The following C5 variants were observed in gnomAD, a reference collection of about 807,000 sequenced individuals.
C5 encodes C3 and PZP-like alpha-2-macroglobulin domain-containing protein 4.
C5 carries 140 observed loss-of-function variants against 218.8 expected under a neutral mutation model. The observed-to-expected ratio is 0.64, with a 90% confidence interval of 0.56 to 0.74. C5 has a LOEUF of 0.74. Among genes scored for constraint, C5 ranks in the 30% least tolerant of loss-of-function variants. C5 has a pLI of 0.00. For missense variants in C5, 1,700 were observed against 1,969.6 expected, an observed-to-expected ratio of 0.86 and a Z score of 2.59; for synonymous variants, 614 against 682.3, an observed-to-expected ratio of 0.90 and a Z score of 1.56.
At chr9:121,028,349 T>C (rs2047443090) in intron 7 of C5, among the ~76,000 whole-genome samples, 1 of 152,218 alleles carries the variant, frequency 6.6e-6, no homozygotes, top group African/African-American at 2.4e-5. Flanking sequence ...ACTGCGTATA[T>C]ACCCAAAGGA....
chr9:120,975,554 C>T (rs1455205191), intron 29 of C5, among the ~76,000 whole-genome samples: 6 of 151,996 alleles, frequency 3.9e-5, no homozygotes, highest in African/African-American at 1.2e-4. Flanking sequence ...GGTCATGGGG[C>T]GTACCACTTT....
chr9:121,068,919 A>G, the C5 span, among the ~76,000 whole-genome samples: 1 of 152,194 alleles, frequency 6.6e-6, no homozygotes, highest in South Asian at 2.1e-4. Flanking sequence ...GGAAAACTGG[A>G]TATCCATATA....
rs202114605 is a variant in C5 at position 120,976,858 on chromosome 9, C to G, written c.3706G>C (p.Asp1236His). 2.3e-4 allele frequency: 370 copies of G among 1,614,026 alleles called. No homozygotes were observed. Among genetic ancestry groups the G allele is most frequent in the Non-Finnish European group, 2.9e-4 (339 of 1,180,018 alleles). Residue 1236 changes from aspartate (D) to histidine (H), a missense_variant, in exon 29 of 41, where the codon GAC becomes CAC. By Grantham distance (81) the Asp-to-His change is moderately conservative. Coordinates refer to ENST00000223642, the MANE Select transcript of C5 (RefSeq NM_001735.3). Reference protein sequence around the residue: ...RFWKDNLQHKDSSVPNTGTAR... With the variant: ...RFWKDNLQHKHSSVPNTGTAR... ...GTACCAGTGTTAGGTACAGAGCTGT[C>G]TTTATGCTGAAGATTGTCTTTCCAA...
At chr9:120,968,411 C>T (rs12235400) in intron 33 of C5, among the ~76,000 whole-genome samples, 10,712 of 152,228 alleles carry the variant, frequency 0.07, 869 homozygotes, top group East Asian at 0.19. Flanking sequence ...GAATACAGCC[C>T]TACCCAGCTC....
intron 17 of C5, among the ~76,000 whole-genome samples, chr9:121,010,173 C>T (rs1403285780): frequency 6.6e-6 from 1 of 152,166 alleles, no homozygotes; most frequent in African/African-American, 2.4e-5. Context: ...GTCATCCAAA[C>T]TAGAAAGCAA....
Position 121,013,897 on chromosome 9 carries a change from T to C in C5, c.2233A>G (p.Lys745Glu). The C allele has an allele frequency of 1.2e-6, 2 of 1,614,126 alleles. No individual in the cohort carries two copies. Among genetic ancestry groups the C allele is most frequent in the Non-Finnish European group, 1.7e-6 (2 of 1,179,988 alleles). The stretch of plus-strand genomic sequence containing the variant: ...CGTAGCCTTCCCAATTGCATGTCTT[T>C]ATGAGAGATATTAGCACGGAGCTGG... ...ASQLRANISH[K>E]DMQLGRLHMK... The change falls in exon 17 of 41, where the codon AAA (lysine) becomes GAA (glutamate). Residue 745 changes from lysine to glutamate, a missense_variant. By Grantham distance (56) the Lys-to-Glu change is moderately conservative. Transcript: ENST00000223642.
intron 15 of C5, 62 bp from the exon 16 acceptor site, chr9:121,015,323 A>G: frequency 9.0e-7 from 1 of 1,116,786 alleles, no homozygotes; most frequent in Non-Finnish European, 1.3e-6. Flanking sequence ...CTCAAAAAAA[A>G]ATTCCATGAA....
chr9:121,000,633 A>G (rs1381355807), intron 20 of C5, among the ~76,000 whole-genome samples: 1 of 152,242 alleles, frequency 6.6e-6, no homozygotes, highest in Non-Finnish European at 1.5e-5. Context: ...AATGCTCACA[A>G]AAAACTATAA....
chr9:120,970,106 C>T, intron 32 of C5, 64 bp downstream of exon 32: 10 of 1,097,110 alleles, frequency 9.1e-6, no homozygotes, highest in Non-Finnish European at 1.4e-5. Context: ...ATCAGAGAAG[C>T]TCTCTATTTA....
At chr9:121,042,355 G>A (rs1027055633) in intron 3 of C5, among the ~76,000 whole-genome samples, 1 of 152,146 alleles carries the variant, frequency 6.6e-6, no homozygotes, top group African/African-American at 2.4e-5. Context: ...AACCATGAAT[G>A]TTAAACAATG....
intron 7 of C5, 81 bp from the exon 8 acceptor site, chr9:121,027,355 A>G (rs2047433173): frequency 3.8e-6 from 3 of 791,942 alleles, no homozygotes; most frequent in Non-Finnish European, 6.5e-6. Flanking sequence ...ATTTGAAATT[A>G]CGTAAAGCAC....
At chr9:121,030,940 C>T (rs1299213038) in intron 6 of C5, among the ~76,000 whole-genome samples, 1 of 151,944 alleles carries the variant, frequency 6.6e-6, no homozygotes, top group Non-Finnish European at 1.5e-5. Context: ...AGAGTGGCTA[C>T]AGACAGTAAG....
At chr9:120,959,533 T>G (rs1043367189) in intron 38 of C5, among the ~76,000 whole-genome samples, 1 of 152,062 alleles carries the variant, frequency 6.6e-6, no homozygotes, top group Non-Finnish European at 1.5e-5. Context: ...AGTGCTGGTA[T>G]TACAGGCATG....
chr9:120,985,186 G>A (rs1241220699), intron 25 of C5, among the ~76,000 whole-genome samples: 1 of 152,054 alleles, frequency 6.6e-6, no homozygotes, highest in Admixed American at 6.6e-5. Context: ...CCTGTCCCTT[G>A]GAGACTGCCC....
chr9:121,017,389 T>G lies in C5; in HGVS notation c.1839A>C (p.Gln613His). The change falls in exon 14 of 41, where the codon CAA becomes CAC. Residue 613 changes from glutamine to histidine, a missense_variant. Physicochemically the swap from Gln to His is conservative, Grantham distance 24 (BLOSUM62 0). Coordinates refer to ENST00000223642, the MANE Select transcript of C5 (RefSeq NM_001735.3). ...AAVDSAVYGV[Q>H]RGAKKPLERV... is the part of the protein sequence containing the mutation. ...TTTCCAAGGGCTTTTTGGCTCCTCT[T>G]TGGACTCCATACACAGCACTGTCCA... The G allele has an allele frequency of 6.2e-7, 1 of 1,613,952 alleles. No homozygotes were observed. The highest frequency in any genetic ancestry group is 1.3e-5 in the African/African-American group (1 of 75,040).
Position 120,976,708 on chromosome 9 carries a change from A to C in C5, c.3856T>G (p.Ser1286Ala), listed in dbSNP as rs751210118. The C allele has an allele frequency of 1.2e-6, 2 of 1,613,808 alleles. No individual in the cohort carries two copies. The highest frequency in any genetic ancestry group is 2.2e-5 in the South Asian group (2 of 91,074). The change falls in exon 29 of 41, where the codon TCA (serine) becomes GCA (alanine). Residue 1286 changes from serine (S) to alanine (A), a missense_variant. Ser to Ala is a moderately conservative substitution (Grantham distance 99, BLOSUM62 1). Coordinates refer to ENST00000223642, the MANE Select transcript of C5 (RefSeq NM_001735.3). ...AGACAAAGAAATGTTACCTGGGTTGAATAAAAGCCACCTCCATACCTCTGC... is the reference window on the plus strand; with the variant it reads ...AGACAAAGAAATGTTACCTGGGTTGCATAAAAGCCACCTCCATACCTCTGC... Reference protein sequence around the residue: ...EEQRYGGGFYSTQDTINAIEG... With the variant: ...EEQRYGGGFYATQDTINAIEG...
At chr9:121,051,193 G>C (rs1011925635), upstream of C5, among the ~76,000 whole-genome samples, 1 of 150,958 alleles carries the variant, frequency 6.6e-6, no homozygotes, top group African/African-American at 2.4e-5. Flanking sequence ...CACTATCTTG[G>C]CTCAGGGCAA....
the C5 span, among the ~76,000 whole-genome samples, chr9:121,073,980 T>C: frequency 1.3e-5 from 2 of 152,030 alleles, no homozygotes; most frequent in African/African-American, 4.8e-5. Context: ...GAAGACAGGA[T>C]AGAATGATCG....
chr9:121,003,992 C>A (rs1433018239), intron 20 of C5, among the ~76,000 whole-genome samples: 1 of 152,090 alleles, frequency 6.6e-6, no homozygotes, highest in African/African-American at 2.4e-5. Flanking sequence ...CCTCTGTCTC[C>A]CGAGTAGCTG....
Sources: allele counts gnomAD v4.1 joint callset (sites outside exome capture counted in the v4.1 genomes callset), GRCh38; gene constraint gnomAD v4.1.1; transcripts MANE v1.5; gene names NCBI Gene and HGNC (gene_info 2026-07-23, HGNC 2026-07-21).